The following NOXA1 variants were observed in gnomAD, a reference collection of about 807,000 sequenced individuals.
NOXA1 encodes the protein NADPH oxidase activator 1.
In NOXA1, 56 loss-of-function variants were observed where a neutral mutation model predicts 64.8. The ratio of observed to expected loss-of-function variants is 0.86; its 90% confidence interval spans 0.70 to 1.08. The LOEUF (loss-of-function observed/expected upper bound fraction) is 1.08. Among genes scored for constraint, NOXA1 ranks in the 50% least tolerant of loss-of-function variants. The pLI is 0.00. For synonymous variants in NOXA1, 295 were observed against 294.8 expected, an observed-to-expected ratio of 1.00 and a Z score of -0.01; for missense variants, 668 against 658.5, an observed-to-expected ratio of 1.01 and a Z score of -0.16.
chr9:137,430,170 G>A (rs963831430), intron 5 of NOXA1, among the ~76,000 whole-genome samples: 5 of 152,000 alleles, frequency 3.3e-5, no homozygotes, highest in African/African-American at 1.2e-4. Flanking sequence ...CCCTGCCACA[G>A]ATAGCAAGGT....
rs1420121896 is a variant in NOXA1 at position 137,423,646 on chromosome 9, G to T, written c.117G>T (p.Arg39Ser). 2 of 1,425,978 alleles carry T rather than the reference G, an allele frequency of 1.4e-6. No homozygotes were observed. The highest frequency in any genetic ancestry group is 1.4e-5 in the South Asian group (1 of 71,524). 88.3% of individuals were successfully genotyped at this position (1,425,978 alleles called of 1,614,324 possible). A position where few individuals can be genotyped will look rare whatever the true frequency, so the allele number is the denominator to read the frequency against. The change falls in exon 1 of 14, where the codon AGG (arginine) becomes AGT (serine). Residue 39 changes from arginine to serine, a missense_variant. Transcript: ENST00000683555. ...LFSGVPAPPA[R>S]LCFNAGCVHL... is the part of the protein sequence containing the mutation. The stretch of plus-strand genomic sequence containing the variant: ...CGGGCGTCCCGGCGCCGCCCGCCAG[G>T]CTGTGCTTCAACGCGGGCTGCGTGC...
At chr9:137,427,903 C>G in intron 2 of NOXA1, 130 bp from the exon 3 acceptor site, 1 of 638,566 alleles carries the variant, frequency 1.6e-6, no homozygotes, top group South Asian at 1.8e-5. Flanking sequence ...ACCTAGGCAC[C>G]GCACTGCCCT....
Position 137,431,113 on chromosome 9 carries a change from G to A in NOXA1, c.698+13G>A. The A allele has an allele frequency of 6.2e-7, 1 of 1,613,110 alleles. No individual in the cohort carries two copies. The highest frequency in any genetic ancestry group is 2.2e-5 in the East Asian group (1 of 44,862). On this transcript the variant is annotated intron_variant, in intron 7 of 13. Coordinates refer to ENST00000683555, the MANE Select transcript of NOXA1 (RefSeq NM_001256067.2). The surrounding 1 kb of genome is among the most constrained non-coding windows in gnomAD (Gnocchi z 5.6). The stretch of plus-strand genomic sequence containing the variant: ...ACCATGATGCCAGGTAGGAGGGGCT[G>A]ACTGGGCCCTGCGAGCGCGTGCCTT...
rs892041859 is a variant in NOXA1 at position 137,433,656 on chromosome 9, G to C, written c.1064+49G>C. 7.9e-6 allele frequency: 12 copies of C among 1,519,446 alleles called. No individual in the cohort carries two copies. In the African/African-American group the frequency reaches 1.7e-4, roughly 21 times the overall value. 94.1% of individuals were successfully genotyped at this position (1,519,446 alleles called of 1,614,324 possible). A position where few individuals can be genotyped will look rare whatever the true frequency, so the allele number is the denominator to read the frequency against. The stretch of plus-strand genomic sequence containing the variant: ...CTGCGGTGGAGCTGGGCACCGCCCC[G>C]ACTGAGGCAGCTGCTGGAAGAGGGG... On this transcript the variant is annotated intron_variant, in intron 11 of 13. Transcript: ENST00000683555.
At chr9:137,432,077 C>T (rs948033549) in intron 8 of NOXA1, among the ~76,000 whole-genome samples, 14 of 152,090 alleles carry the variant, frequency 9.2e-5, no homozygotes, top group Admixed American at 3.3e-4. Context: ...TTTAAGCTCT[C>T]GTCCTTCCTA....
rs1367707052 is a variant in NOXA1, at chr9:137,433,970, C to CG, written c.1190dup (p.Arg398SerfsTer34). 6.5e-7 allele frequency: 1 copy of CG among 1,546,372 alleles called. No individual in the cohort carries two copies. The highest frequency in any genetic ancestry group is 2.0e-5 in the Admixed American group (1 of 50,782). On this transcript the variant is annotated frameshift_variant, in exon 13 of 14. Coordinates refer to ENST00000683555, the MANE Select transcript of NOXA1 (RefSeq NM_001256067.2). LOFTEE classifies it high-confidence loss of function. ...AGCCCACTCTCCTGCCTCAGGGAGC[C>CG]GGGGGTCGGCCGGTCCTCTACCAGG...
At chr9:137,425,316 G>A (rs961924243) in intron 1 of NOXA1, among the ~76,000 whole-genome samples, 3 of 152,226 alleles carry the variant, frequency 2.0e-5, no homozygotes, top group Admixed American at 2.0e-4. Flanking sequence ...ACATGAAGAC[G>A]TGTGTTGTTC....
In NOXA1 at chr9:137,433,519, C is replaced by A; in HGVS notation, c.976C>A (p.Leu326Met). 1.3e-6 allele frequency: 2 copies of A among 1,599,156 alleles called. No homozygotes were observed. Among genetic ancestry groups the A allele is most frequent in the East Asian group, 2.2e-5 (1 of 44,484 alleles). ...CGTGCAGTGCGCCTTCACAGTGGCC[C>A]TGAGGGCACGAAGAGGAGCCGACCT... ...VTVQCAFTVA[L>M]RARRGADLSS... is the part of the protein sequence containing the mutation. Residue 326 changes from leucine to methionine, a missense_variant, in exon 11 of 14, where the codon CTG becomes ATG. Transcript: ENST00000683555.
Position 137,432,354 on chromosome 9 carries a change from C to T in NOXA1, c.805-675C>T, listed in dbSNP as rs55908408. On this transcript the variant is annotated intron_variant, in intron 8 of 13. Transcript: ENST00000683555. ...CAGCACTTTGGGAGGCCTAGGCAGG[C>T]GGATCACAAGATCAGGAGATCGAGA... Among the ~76,000 whole-genome samples, 1,423 of 151,326 alleles carry T rather than the reference C, an allele frequency of 9.4e-3. 27 individuals carry two copies. The highest frequency in any genetic ancestry group is 0.031 in the African/African-American group (1,262 of 41,140).
chr9:137,430,955 G>A (rs1839083248), intron 6 of NOXA1, 112 bp downstream of exon 6: 12 of 1,559,712 alleles, frequency 7.7e-6, no homozygotes, highest in Non-Finnish European at 1.1e-5. Flanking sequence ...CTGATGGGAG[G>A]TGTGGGGTGG....
At chr9:137,424,699 TA>T (rs1251016033) in intron 1 of NOXA1, among the ~76,000 whole-genome samples, 14 of 152,158 alleles carry the variant, frequency 9.2e-5, no homozygotes, top group African/African-American at 3.4e-4. Flanking sequence ...CGGCCACCCA[TA>T]GTGGTGGGAT....
chr9:137,430,115 GTGTCCCTGCCACAGATAGCGAGGTCCCT>G, intron 5 of NOXA1, among the ~76,000 whole-genome samples: 1 of 148,262 alleles, frequency 6.7e-6, no homozygotes, highest in African/African-American at 2.5e-5. Context: ...GGGTCTCCCT[GTGTCCCTGCCACAGATAGCGAGGTCCCT>G]GGGGGGGTCC....
chr9:137,433,975 G>A lies in NOXA1; in HGVS notation c.1190G>A (p.Gly397Asp), dbSNP rs1408011756. Residue 397 changes from glycine (G) to aspartate (D), a missense_variant, in exon 13 of 14, where the codon GGT (glycine) becomes GAT (aspartate). Coordinates refer to ENST00000683555, the MANE Select transcript of NOXA1 (RefSeq NM_001256067.2). ...GLQLQCRGAG[G>D]RPVLYQVVAQ... is the part of the protein sequence containing the mutation. ...ACTCTCCTGCCTCAGGGAGCCGGGG[G>A]TCGGCCGGTCCTCTACCAGGTGGTG... 7.1e-6 allele frequency: 11 copies of A among 1,548,486 alleles called. No individual in the cohort carries two copies. Among genetic ancestry groups the A allele is most frequent in the Non-Finnish European group, 9.6e-6 (11 of 1,149,626 alleles).
chr9:137,433,979 GC>G lies in NOXA1; in HGVS notation c.1196del (p.Pro399ArgfsTer?). On this transcript the variant is annotated frameshift_variant, in exon 13 of 14. Coordinates refer to ENST00000683555, the MANE Select transcript of NOXA1 (RefSeq NM_001256067.2). LOFTEE classifies it high-confidence loss of function. ...QLQCRGAGGR[P>X]VLYQVVAQHS... Reference sequence around the variant, plus strand: ...TCCTGCCTCAGGGAGCCGGGGGTCGGCCGGTCCTCTACCAGGTGGTGGCCCA... The same window carrying G: ...TCCTGCCTCAGGGAGCCGGGGGTCGGCGGTCCTCTACCAGGTGGTGGCCCA... 3 of 1,550,468 alleles carry G rather than the reference GC, an allele frequency of 1.9e-6. No homozygotes were observed. The highest frequency in any genetic ancestry group is 1.7e-6 in the Non-Finnish European group (2 of 1,150,726).
chr9:137,434,130 G>T, intron 13 of NOXA1, 51 bp downstream of exon 13: 1 of 1,582,142 alleles, frequency 6.3e-7, no homozygotes, highest in Non-Finnish European at 8.6e-7. Context: ...CCGGGGTGTG[G>T]GGGGCTTAGA....
chr9:137,431,997 C>T lies in NOXA1; in HGVS notation c.804+656C>T, dbSNP rs913074182. ...AACCGTGGCATCCCGGGGGCAAGGGCGCCCTCCAAGCTGTGCTTCACTAAT... is the reference window on the plus strand; with the variant it reads ...AACCGTGGCATCCCGGGGGCAAGGGTGCCCTCCAAGCTGTGCTTCACTAAT... On this transcript the variant is annotated intron_variant, in intron 8 of 13. Coordinates refer to ENST00000683555, the MANE Select transcript of NOXA1 (RefSeq NM_001256067.2). This position sits in a 1 kb window ranked among gnomAD's most constrained non-coding sequence, Gnocchi z 5.6. Among the ~76,000 whole-genome samples the T allele has an allele frequency of 2.6e-5, 4 of 152,196 alleles. No homozygotes were observed. The highest frequency in any genetic ancestry group is 3.8e-4 in the East Asian group (2 of 5,198).
In NOXA1 at chr9:137,433,919, T is replaced by G. The variant is rs1395709958; in HGVS notation, c.1180-46T>G. 1.3e-5 allele frequency: 19 copies of G among 1,506,960 alleles called. No individual in the cohort carries two copies. In the Admixed American group the frequency reaches 1.7e-4, roughly 13 times the overall value. 93.3% of individuals were successfully genotyped at this position (1,506,960 alleles called of 1,614,324 possible). Reference sequence around the variant, plus strand: ...CACCCTGAGGGGCGGTGGAGGCCCCTCCTCCCAGTGCCCGGCCCGACCTGC... The same window carrying G: ...CACCCTGAGGGGCGGTGGAGGCCCCGCCTCCCAGTGCCCGGCCCGACCTGC... On this transcript the variant is annotated intron_variant, in intron 12 of 13. Transcript: ENST00000683555.
intron 2 of NOXA1, among the ~76,000 whole-genome samples, chr9:137,427,031 A>G (rs1838870652): frequency 6.6e-6 from 1 of 152,096 alleles, no homozygotes; most frequent in Admixed American, 6.5e-5. Context: ...TCCTGACCTC[A>G]GGTGATCCAC....
At position 137,426,363 on chromosome 9, in the gene NOXA1, C is replaced by T. The variant is rs376185485; in HGVS notation, c.260+33C>T. On this transcript the variant is annotated intron_variant, in intron 2 of 13. Transcript: ENST00000683555. ...CAGGGGTGCCTTGTTCCTTCTCTGA[C>T]GGCCCTTTGTCTCCCTGCAGAGTCC... 3.0e-4 allele frequency: 482 copies of T among 1,585,116 alleles called. 1 individual carries two copies. The highest frequency in any genetic ancestry group is 8.9e-4 in the East Asian group (40 of 44,734).
Sources: gnomAD v4.1 joint callset for allele counts (sites outside exome capture counted in the v4.1 genomes callset) on GRCh38, gnomAD v4.1.1 for gene constraint, Gnocchi (gnomAD v3.1) non-coding constraint, MANE v1.5 for transcripts, NCBI Gene and HGNC (gene_info 2026-07-23, HGNC 2026-07-21) for gene names.